Variants in SOX6 observed in about 807,000 individuals in gnomAD.
SOX6 encodes transcription factor SOX-6.
Under a neutral mutation model 97.8 loss-of-function variants are expected in SOX6, and 11 were observed. The ratio of observed to expected loss-of-function variants is 0.11; its 90% CI spans 0.07 to 0.19. SOX6 has a LOEUF of 0.19. Among genes scored for constraint, SOX6 ranks in the 10% least tolerant of loss-of-function variants. SOX6 has a pLI of 1.00. For missense variants in SOX6, 810 were observed against 1,039.5 expected, an observed-to-expected ratio of 0.78 and a Z score of 3.04; for synonymous variants, 360 against 371.4, an observed-to-expected ratio of 0.97 and a Z score of 0.35.
chr11:16,523,189 GCACCA>G (rs886353326), intron 4 of SOX6, among the ~76,000 whole-genome samples: 25 of 151,884 alleles, frequency 1.6e-4, no homozygotes, highest in Admixed American at 1.4e-3. Context: ...TTTTTTTTCA[GCACCA>G]CACCACACCT....
At chr11:16,408,858 A>G (rs1858738083) in intron 1 of SOX6, 2 of 152,094 alleles carry the variant, frequency 1.3e-5, no homozygotes. Context: ...TATAGAGATA[A>G]AAATATGACT....
intron 4 of SOX6, among the ~76,000 whole-genome samples, chr11:16,524,400 C>T (rs1861121941): frequency 6.6e-6 from 1 of 152,040 alleles, no homozygotes; most frequent in South Asian, 2.1e-4. Context: ...TCAATAGATG[C>T]AGAAAAGGCC....
At chr11:16,039,110 T>C (rs1362054073) in intron 12 of SOX6, among the ~76,000 whole-genome samples, 1 of 152,132 alleles carries the variant, frequency 6.6e-6, no homozygotes, top group Non-Finnish European at 1.5e-5. Flanking sequence ...AGAATTTTTG[T>C]GCACTTCACT....
chr11:16,358,806 A>G (rs1163796401), upstream of SOX6, among the ~76,000 whole-genome samples: 3 of 152,168 alleles, frequency 2.0e-5, no homozygotes, highest in East Asian at 1.9e-4. Flanking sequence ...TAACACTGAA[A>G]TTTTATTAGC....
intron 4 of SOX6, among the ~76,000 whole-genome samples, chr11:16,542,472 A>C (rs1415298701): frequency 1.3e-5 from 2 of 152,172 alleles, no homozygotes; most frequent in African/African-American, 4.8e-5. Context: ...ATAAAAAATA[A>C]ATTTAAAATA....
At position 16,710,933 on chromosome 11, in the gene SOX6, G is replaced by A. The variant is rs1590060573; in HGVS notation, n.429+3897C>T. Reference sequence around the variant, plus strand: ...AATCTGTCTGTCTCCTCCCATTTGGGTAAACAGAAAATTTGTCCATAAGTT... The same window carrying A: ...AATCTGTCTGTCTCCTCCCATTTGGATAAACAGAAAATTTGTCCATAAGTT... On this transcript the variant is annotated intron_variant and non_coding_transcript_variant, in intron 3 of 5. Coordinates refer to the SOX6 transcript ENST00000524520. Among the ~76,000 whole-genome samples, 7 of 152,202 alleles carry A rather than the reference G, an allele frequency of 4.6e-5. 1 individual carries two copies.
chr11:16,583,623 A>ATATATATATATACATATG, intron 4 of SOX6, among the ~76,000 whole-genome samples: 3 of 138,460 alleles, frequency 2.2e-5, no homozygotes, highest in Non-Finnish European at 4.8e-5. Context: ...ACATATATAT[A>ATATATATATATACATATG]TATATATATA....
chr11:16,245,750 T>C (rs1413121938), intron 3 of SOX6, among the ~76,000 whole-genome samples: 1 of 151,626 alleles, frequency 6.6e-6, no homozygotes, highest in Non-Finnish European at 1.5e-5. Context: ...AATATAGCCT[T>C]TTAAGCCTTC....
At chr11:16,646,506 CAT>C (rs1849017724) in intron 3 of SOX6, among the ~76,000 whole-genome samples, 1 of 149,592 alleles carries the variant, frequency 6.7e-6, no homozygotes, top group South Asian at 2.1e-4. Flanking sequence ...TTTTGGGGAA[CAT>C]GTGGTATTTG....
chr11:16,612,034 G>A (rs1043209308), intron 4 of SOX6: 20 of 152,630 alleles, frequency 1.3e-4, no homozygotes, highest in Admixed American at 9.8e-4. Context: ...GCTAGGGAGT[G>A]CGTGGCTGGA....
intron 4 of SOX6, among the ~76,000 whole-genome samples, chr11:16,504,558 C>G (rs1446474860): frequency 7.4e-6 from 1 of 135,358 alleles, no homozygotes; most frequent in Non-Finnish European, 1.6e-5. Flanking sequence ...AAACTGTAAA[C>G]CACTGATGGA....
rs540331938 is a variant in SOX6, at chr11:16,406,245, T to C, written c.-4-64993A>G. Among the ~76,000 whole-genome samples, 3 of 152,202 alleles carry C rather than the reference T, an allele frequency of 2.0e-5. No homozygotes were observed. In the South Asian group the frequency reaches 6.2e-4, roughly 32 times the overall value. On this transcript the variant is annotated intron_variant, in intron 1 of 15. Coordinates refer to the SOX6 transcript ENST00000396356. ...ACAAGAAATCACTGAGGATCATCAG[T>C]GCCATCTGTCCTGTGGACTTGTTTG...
chr11:16,127,473 A>C (rs1590212937), intron 6 of SOX6, among the ~76,000 whole-genome samples: 1 of 152,148 alleles, frequency 6.6e-6, no homozygotes, highest in East Asian at 1.9e-4. Context: ...CAGATGGTAC[A>C]CAATGTGATT....
intron 12 of SOX6, among the ~76,000 whole-genome samples, chr11:16,042,944 C>G (rs367581855): frequency 6.6e-6 from 1 of 152,104 alleles, no homozygotes; most frequent in Non-Finnish European, 1.5e-5. Flanking sequence ...ATAACACCTA[C>G]GCAGGAAAGC....
intron 2 of SOX6, among the ~76,000 whole-genome samples, chr11:16,715,226 G>C (rs1426595819): frequency 6.6e-6 from 1 of 152,078 alleles, no homozygotes; most frequent in Non-Finnish European, 1.5e-5. Flanking sequence ...TTGAATAAAA[G>C]AATCTAAAAT....
chr11:16,002,606 A>T (rs1166165857), intron 13 of SOX6, among the ~76,000 whole-genome samples: 1 of 152,162 alleles, frequency 6.6e-6, no homozygotes, highest in Non-Finnish European at 1.5e-5. Flanking sequence ...TGTTGAGCCC[A>T]GGTAAAAAGG....
At chr11:16,559,088 C>G (rs570251668) in intron 4 of SOX6, among the ~76,000 whole-genome samples, 1 of 152,098 alleles carries the variant, frequency 6.6e-6, no homozygotes, top group Non-Finnish European at 1.5e-5. Flanking sequence ...TGACTTCAAT[C>G]ACTGCATATC....
intron 4 of SOX6, among the ~76,000 whole-genome samples, chr11:16,548,738 A>T (rs1476544706): frequency 6.6e-6 from 1 of 152,168 alleles, no homozygotes; most frequent in Admixed American, 6.6e-5. Flanking sequence ...CAGGAGGAAT[A>T]AGTTCAAGAG....
Position 16,613,393 on chromosome 11 carries a change from G to A in SOX6, n.430-1133C>T, listed in dbSNP as rs185662546. Among the ~76,000 whole-genome samples the A allele has an allele frequency of 6.6e-6, 1 of 152,042 alleles. No homozygotes were observed. Among genetic ancestry groups the A allele is most frequent in the Non-Finnish European group, 1.5e-5 (1 of 68,018 alleles). On this transcript the variant is annotated intron_variant and non_coding_transcript_variant, in intron 3 of 5. Coordinates refer to the SOX6 transcript ENST00000524520. This position sits in a 1 kb window ranked among gnomAD's most constrained non-coding sequence, Gnocchi z 4.6. ...TAAATTATGGGTGTCACTAAAACGAGATTAGCAAATCTTCTACCGCTGGCG... is the reference window on the plus strand; with the variant it reads ...TAAATTATGGGTGTCACTAAAACGAAATTAGCAAATCTTCTACCGCTGGCG...
Sources: gnomAD v4.1 joint callset for allele counts (sites outside exome capture counted in the v4.1 genomes callset) on GRCh38, gnomAD v4.1.1 for gene constraint, Gnocchi (gnomAD v3.1) non-coding constraint, MANE v1.5 for transcripts, NCBI Gene and HGNC (gene_info 2026-07-23, HGNC 2026-07-21) for gene names.